LZIC: variants seen among roughly 807,000 people sequenced by gnomAD.
LZIC encodes the protein leucine zipper and CTNNBIP1 domain containing.
A neutral mutation model predicts 25.4 loss-of-function variants in LZIC; 28 were observed. The ratio of observed to expected loss-of-function variants is 1.10; its 90% CI spans 0.82 to 1.51. The LOEUF is 1.51. LZIC is among the 40% of genes most tolerant of loss of function. The pLI is 0.00. For synonymous variants in LZIC, 65 were observed against 70.7 expected, an observed-to-expected ratio of 0.92 and a Z score of 0.40; for missense variants, 170 against 211.1, an observed-to-expected ratio of 0.81 and a Z score of 1.21.
rs1163603918 is a variant in LZIC, at chr1:9,930,034, G to A, written c.*365C>T. On this transcript the variant is annotated 3_prime_UTR_variant, in exon 8 of 8. Transcript: ENST00000377223. ...TGTTCACTCCAATGAGTGGGGATAA[G>A]TTGTAAGCAGAAAAATATCATTACT... The A allele has an allele frequency of 2.0e-6, 2 of 1,020,456 alleles. No individual in the cohort carries two copies. The highest frequency in any genetic ancestry group is 5.2e-5 in the Admixed American group (1 of 19,184). 63.2% of individuals were successfully genotyped at this position (1,020,456 alleles called of 1,614,324 possible).
intron 2 of LZIC, among the ~76,000 whole-genome samples, chr1:9,942,315 T>C (rs1640793458): frequency 6.6e-6 from 1 of 152,214 alleles, no homozygotes; most frequent in African/African-American, 2.4e-5. Context: ...GAGAACAGAA[T>C]ATGAGTCTGA....
intron 2 of LZIC, among the ~76,000 whole-genome samples, chr1:9,940,365 G>A (rs1387656884): frequency 6.6e-6 from 1 of 152,054 alleles, no homozygotes; most frequent in Non-Finnish European, 1.5e-5. Context: ...TTTTTTAGTA[G>A]AGACGGGGTT....
rs549511552 is a variant in LZIC, at chr1:9,936,423, G to C, written c.101+96C>G. 2.1e-5 allele frequency: 16 copies of C among 771,932 alleles called. No homozygotes were observed. The East Asian group carries it at 3.2e-4, about 15-fold the overall frequency. The allele number at this position is 771,932 out of a possible 1,614,324, so 47.8% of individuals were successfully genotyped here. ...AAAGCACTGCAAAGAACACTACAGG[G>C]GAATGCAGAATCATCACACATGGGC... On this transcript the variant is annotated intron_variant, in intron 3 of 7. Coordinates refer to ENST00000377223, the MANE Select transcript of LZIC (RefSeq NM_032368.5).
rs1640115216 is a variant in LZIC, at chr1:9,929,284, C to T, written c.*1115G>A. 2.0e-6 allele frequency: 2 copies of T among 982,116 alleles called. No homozygotes were observed. Among genetic ancestry groups the T allele is most frequent in the Admixed American group, 6.2e-5 (1 of 16,232 alleles). 60.8% of individuals were successfully genotyped at this position (982,116 alleles called of 1,614,324 possible). On this transcript the variant is annotated 3_prime_UTR_variant, in exon 8 of 8. Transcript: ENST00000377223. ...CTAGTAGTTTACAGTACAGAAGAAG[C>T]TTTAAAAATGCTTTTAATTTGTATA... is the stretch of plus-strand genomic sequence containing the variant.
chr1:9,925,845 A>C (rs546107536), downstream of LZIC, among the ~76,000 whole-genome samples: 35 of 143,860 alleles, frequency 2.4e-4, no homozygotes, highest in Non-Finnish European at 4.5e-4. Context: ...ACCTTGGCCT[A>C]CCAAAGTGCT....
At chr1:9,942,860 C>G in intron 1 of LZIC, 78 bp from the exon 2 acceptor site, 2 of 420,216 alleles carry the variant, frequency 4.8e-6, no homozygotes, top group South Asian at 3.6e-5. Context: ...AGATAACTTC[C>G]ACTTGAGCAG....
chr1:9,922,459 G>C, downstream of LZIC: 1 of 349,040 alleles, frequency 2.9e-6, no homozygotes, highest in Non-Finnish European at 4.0e-6. Context: ...ACTTTAATGA[G>C]TAGCCTGAAA....
intron 2 of LZIC, among the ~76,000 whole-genome samples, chr1:9,937,807 C>T (rs1443541528): frequency 1.4e-5 from 2 of 142,404 alleles, no homozygotes; most frequent in Non-Finnish European, 3.0e-5. Flanking sequence ...ATGATCTTGC[C>T]ACTCCACTCT....
At chr1:9,935,389 C>T (rs1026042253) in intron 4 of LZIC, 103 bp downstream of exon 4, 6 of 1,257,456 alleles carry the variant, frequency 4.8e-6, no homozygotes, top group Non-Finnish European at 4.4e-6. Context: ...GACTGCCCCA[C>T]TGCACTCCAG....
chr1:9,928,509 C>T lies in LZIC; in HGVS notation c.*1890G>A, dbSNP rs1640085616. On this transcript the variant is annotated 3_prime_UTR_variant, in exon 8 of 8. Transcript: ENST00000377223. ...TACCGGATAAACAAAATATGATATC[C>T]ATACAATGGAATATTATTTAGCCAT... Among the ~76,000 whole-genome samples, 2 of 152,074 alleles carry T rather than the reference C, an allele frequency of 1.3e-5. No homozygotes were observed. The highest frequency in any genetic ancestry group is 4.1e-4 in the South Asian group (2 of 4,824).
Position 9,929,661 on chromosome 1 carries a change from T to C in LZIC, c.*738A>G. The C allele has an allele frequency of 3.0e-6, 3 of 985,312 alleles. No homozygotes were observed. Among genetic ancestry groups the C allele is most frequent in the Non-Finnish European group, 2.4e-6 (2 of 829,912 alleles). 61.0% of individuals were successfully genotyped at this position (985,312 alleles called of 1,614,324 possible). ...GCTCCCATTGTTCCAACCTCAAAAT[T>C]CCGAGATACAACGGGCCCCATTAAT... On this transcript the variant is annotated 3_prime_UTR_variant, in exon 8 of 8. Transcript: ENST00000377223.
Position 9,932,906 on chromosome 1 carries a change from G to T in LZIC, c.337-8C>A, listed in dbSNP as rs200663833. The T allele has an allele frequency of 5.8e-6, 9 of 1,548,080 alleles. No homozygotes were observed. Among genetic ancestry groups the T allele is most frequent in the Non-Finnish European group, 8.0e-6 (9 of 1,121,598 alleles). ...CATCAGATCTCTATCCATCTAAAACGTATGAATGCAAGGCATATGTTACTT... is the reference window on the plus strand; with the variant it reads ...CATCAGATCTCTATCCATCTAAAACTTATGAATGCAAGGCATATGTTACTT... On this transcript the variant is annotated splice_polypyrimidine_tract_variant and splice_region_variant and intron_variant, in intron 5 of 7. Coordinates refer to ENST00000377223, the MANE Select transcript of LZIC (RefSeq NM_032368.5).
chr1:9,922,949 C>A (rs185297890), downstream of LZIC, among the ~76,000 whole-genome samples: 58 of 152,316 alleles, frequency 3.8e-4, no homozygotes, highest in South Asian at 6.2e-4. Flanking sequence ...ATAACACATA[C>A]ATTCCCACCA....
chr1:9,940,085 C>T (rs562907057), intron 2 of LZIC, among the ~76,000 whole-genome samples: 130 of 152,068 alleles, frequency 8.5e-4, no homozygotes, highest in African/African-American at 3.0e-3. Flanking sequence ...TGACACTGCA[C>T]TCCAGCCTGG....
In LZIC at chr1:9,929,637, C is replaced by A; in HGVS notation, c.*762G>T. The A allele has an allele frequency of 3.0e-6, 3 of 985,394 alleles. No homozygotes were observed. The highest frequency in any genetic ancestry group is 3.6e-6 in the Non-Finnish European group (3 of 829,934). The allele number at this position is 985,394 out of a possible 1,614,324, so 61.0% of individuals were successfully genotyped here. On this transcript the variant is annotated 3_prime_UTR_variant, in exon 8 of 8. Transcript: ENST00000377223. ...TCACTTTAGGAAACGCTCAACAGGG[C>A]TCCCATTGTTCCAACCTCAAAATTC...
At chr1:9,942,193 A>C (rs1188237303) in intron 2 of LZIC, among the ~76,000 whole-genome samples, 1 of 152,202 alleles carries the variant, frequency 6.6e-6, no homozygotes, top group African/African-American at 2.4e-5. Context: ...ATGGGATTAC[A>C]GGCGTGAGTC....
intron 5 of LZIC, among the ~76,000 whole-genome samples, chr1:9,934,251 A>T (rs1640362982): frequency 2.0e-5 from 3 of 151,872 alleles, no homozygotes. Context: ...AACATAAAAA[A>T]CTTGTCACAT....
intron 2 of LZIC, 40 bp downstream of exon 2, chr1:9,942,584 G>C: frequency 9.4e-7 from 1 of 1,058,466 alleles, no homozygotes; most frequent in Non-Finnish European, 1.3e-6. Flanking sequence ...ACCGCTCTCA[G>C]ACACTATATC....
chr1:9,943,020 G>T (rs1640837832), intron 1 of LZIC: 1 of 325,968 alleles, frequency 3.1e-6, no homozygotes, highest in Admixed American at 3.8e-5. Context: ...CAGAGGCTTG[G>T]AAAAGGTAAG....
Sources: allele counts gnomAD v4.1 joint callset (sites outside exome capture counted in the v4.1 genomes callset), GRCh38; gene constraint gnomAD v4.1.1; transcripts MANE v1.5; gene names NCBI Gene and HGNC (gene_info 2026-07-23, HGNC 2026-07-21).